GSE1: variants seen among roughly 807,000 people sequenced by gnomAD.
GSE1 encodes the protein genetic suppressor element 1.
In GSE1, 32 loss-of-function variants were observed where a neutral mutation model predicts 112.6. The ratio of observed to expected loss-of-function variants is 0.28; its 90% CI spans 0.21 to 0.38. The LOEUF (loss-of-function observed/expected upper bound fraction) is 0.38, where lower values mean the gene tolerates loss of function less well. GSE1 is among the 10% of genes least tolerant of loss of function. GSE1 has a pLI of 1.00. For synonymous variants in GSE1, 1,115 were observed against 735.6 expected, an observed-to-expected ratio of 1.52 and a Z score of -8.35; for missense variants, 2,348 against 1,699.2, an observed-to-expected ratio of 1.38 and a Z score of -6.71.
At position 85,256,532 on chromosome 16, in the gene GSE1, G is replaced by A. The variant is rs78841156; in HGVS notation, c.2283+84725G>A. On this transcript the variant is annotated intron_variant, in intron 1 of 2. Coordinates refer to the GSE1 transcript ENST00000637419. The stretch of plus-strand genomic sequence containing the variant: ...CTCGGGGTCAGGGCCGCCCAGGCAC[G>A]TTCCTTGGCGAAGCTCCCACTGGGC... 7.3e-3 allele frequency among the ~76,000 whole-genome samples: 1,118 copies of A among 152,334 alleles called. 18 individuals are homozygous for A. Among genetic ancestry groups the A allele is most frequent in the African/African-American group, 0.026 (1,062 of 41,578 alleles).
chr16:85,523,013 C>T (rs914008575), intron 2 of GSE1, among the ~76,000 whole-genome samples: 4 of 151,468 alleles, frequency 2.6e-5, no homozygotes, highest in African/African-American at 7.3e-5. Flanking sequence ...TATGTGGGCA[C>T]GTGTTGTGTG....
intron 1 of GSE1, among the ~76,000 whole-genome samples, chr16:85,590,880 G>A (rs1039942342): frequency 6.6e-6 from 1 of 152,162 alleles, no homozygotes; most frequent in African/African-American, 2.4e-5. Context: ...TTTCCCCAGG[G>A]CTAGCCGAGA....
At chr16:85,371,141 C>G (rs1489847278) in intron 2 of GSE1, among the ~76,000 whole-genome samples, 1 of 152,210 alleles carries the variant, frequency 6.6e-6, no homozygotes, top group East Asian at 1.9e-4. Flanking sequence ...TCGTTCCTTC[C>G]CCAGGCCAAG....
At chr16:85,572,772 A>T (rs1398314543) in intron 1 of GSE1, among the ~76,000 whole-genome samples, 1 of 152,166 alleles carries the variant, frequency 6.6e-6, no homozygotes, top group African/African-American at 2.4e-5. Context: ...CCAAGGGGTC[A>T]TTGTGGGCTT....
chr16:85,648,580 C>G lies in GSE1; in HGVS notation c.255C>G (p.Pro85=). 1.9e-6 allele frequency: 3 copies of G among 1,597,300 alleles called. No homozygotes were observed. The highest frequency in any genetic ancestry group is 2.6e-6 in the Non-Finnish European group (3 of 1,171,674). Residue 85 remains proline (P), a synonymous_variant, in exon 3 of 16, where the codon CCC becomes CCG. Coordinates refer to ENST00000253458, the MANE Select transcript of GSE1 (RefSeq NM_014615.5). ...RGSSLSSESS[P]VSSPATNHSS... is the part of the protein sequence containing the mutation. Reference sequence around the variant, plus strand: ...CCTCACTGAGCAGCGAGTCGTCCCCCGTGTCCTCTCCGGCCACCAACCACA... The same window carrying G: ...CCTCACTGAGCAGCGAGTCGTCCCCGGTGTCCTCTCCGGCCACCAACCACA...
At chr16:85,344,941 TG>T (rs1396767767) in intron 1 of GSE1, among the ~76,000 whole-genome samples, 1 of 152,264 alleles carries the variant, frequency 6.6e-6, no homozygotes, top group Non-Finnish European at 1.5e-5. Flanking sequence ...AGCTCTGCTC[TG>T]CCCTCACCGT....
intron 1 of GSE1, among the ~76,000 whole-genome samples, chr16:85,562,426 G>A (rs899047987): frequency 6.6e-6 from 1 of 151,782 alleles, no homozygotes; most frequent in African/African-American, 2.4e-5. Flanking sequence ...GTTACGCCAT[G>A]GGTGGGAACC....
chr16:85,336,556 C>T (rs904656514), intron 1 of GSE1, among the ~76,000 whole-genome samples: 4 of 151,706 alleles, frequency 2.6e-5, no homozygotes, highest in East Asian at 1.9e-4. Context: ...CTAACACACA[C>T]GTGTGAGCAT....
At chr16:85,307,460 T>C (rs1376417018) in intron 1 of GSE1, among the ~76,000 whole-genome samples, 1 of 152,162 alleles carries the variant, frequency 6.6e-6, no homozygotes, top group African/African-American at 2.4e-5. Flanking sequence ...CACTCACAGT[T>C]ATAGTTTATT....
chr16:85,564,801 C>A (rs2045668356), intron 1 of GSE1, among the ~76,000 whole-genome samples: 1 of 152,204 alleles, frequency 6.6e-6, no homozygotes, highest in South Asian at 2.1e-4. Flanking sequence ...CCTGTCAAAT[C>A]TGTTCCCTGC....
chr16:85,497,482 G>C (rs73265167), intron 2 of GSE1, among the ~76,000 whole-genome samples: 6,548 of 152,244 alleles, frequency 0.043, 478 homozygotes, highest in African/African-American at 0.15. Flanking sequence ...CTTCAGCCCA[G>C]TGCCCAGCAC....
intron 2 of GSE1, among the ~76,000 whole-genome samples, chr16:85,548,611 C>T (rs896986424): frequency 8.5e-5 from 13 of 152,146 alleles, no homozygotes; most frequent in East Asian, 3.8e-4. Context: ...TATTCCATTG[C>T]GTGTAGGTAC....
intron 1 of GSE1, among the ~76,000 whole-genome samples, chr16:85,573,113 C>G (rs2151341699): frequency 6.6e-6 from 1 of 152,336 alleles, no homozygotes; most frequent in Non-Finnish European, 1.5e-5. Flanking sequence ...ATCCGCCCGC[C>G]TCGGCCTCAC....
chr16:85,648,616 C>T lies in GSE1; in HGVS notation c.291C>T (p.Ala97=), dbSNP rs762465012. ...CGGCCACCAACCACAGCTCCCCCGC[C>T]AGCACACCCAAGCGCGTGCCCATGG... is the stretch of plus-strand genomic sequence containing the variant. ...SSPATNHSSP[A]STPKRVPMGP... The change falls in exon 3 of 16, where the codon GCC becomes GCT. Residue 97 remains alanine, a synonymous_variant. Transcript: ENST00000253458. 3.7e-6 allele frequency: 6 copies of T among 1,607,054 alleles called. No individual in the cohort carries two copies. The Middle Eastern group carries it at 5.0e-4, about 133-fold the overall frequency.
At chr16:85,293,787 C>G (rs2045288650) in intron 1 of GSE1, among the ~76,000 whole-genome samples, 1 of 152,174 alleles carries the variant, frequency 6.6e-6, no homozygotes, top group African/African-American at 2.4e-5. Flanking sequence ...TGATCGCTGC[C>G]TCTGCCATCA....
intron 1 of GSE1, among the ~76,000 whole-genome samples, chr16:85,233,557 C>T (rs1350934458): frequency 6.6e-6 from 1 of 152,184 alleles, no homozygotes; most frequent in African/African-American, 2.4e-5. Flanking sequence ...TGTCTGGATG[C>T]TTGCATGTAT....
chr16:85,546,306 G>A (rs1231178115), intron 2 of GSE1, among the ~76,000 whole-genome samples: 3 of 152,152 alleles, frequency 2.0e-5, no homozygotes, highest in East Asian at 3.9e-4. Context: ...GGCTGGTCTC[G>A]AACTTGTGGC....
chr16:85,516,359 G>A (rs1468076932), intron 2 of GSE1, among the ~76,000 whole-genome samples: 1 of 147,042 alleles, frequency 6.8e-6, no homozygotes, highest in African/African-American at 2.5e-5. Context: ...GGGCGGGAAT[G>A]TTGGAGTGTG....
At chr16:85,476,403 G>A (rs1396705494) in intron 2 of GSE1, among the ~76,000 whole-genome samples, 4 of 152,172 alleles carry the variant, frequency 2.6e-5, no homozygotes, top group South Asian at 2.1e-4. Flanking sequence ...CCCCATACAC[G>A]TGCATATGAC....
Sources: gnomAD v4.1 joint callset for allele counts (sites outside exome capture counted in the v4.1 genomes callset) on GRCh38, gnomAD v4.1.1 for gene constraint, MANE v1.5 for transcripts, NCBI Gene and HGNC (gene_info 2026-07-23, HGNC 2026-07-21) for gene names.